Variants in ATP12A observed in about 807,000 individuals in gnomAD.
The protein encoded by ATP12A is potassium-transporting ATPase alpha chain 2.
Under a neutral mutation model 111.2 loss-of-function variants are expected in ATP12A, and 81 were observed. The ratio of observed to expected loss-of-function variants is 0.73; its 90% CI spans 0.61 to 0.88. The LOEUF is 0.88. Ranked by LOEUF, ATP12A falls within the 40% of genes least tolerant of loss-of-function variation. The probability of loss-of-function intolerance (pLI) is 0.00; values close to 1 mark genes in which losing one functional copy is unlikely to be tolerated. For missense variants in ATP12A, 1,196 were observed against 1,313.1 expected, an observed-to-expected ratio of 0.91 and a Z score of 1.38; for synonymous variants, 498 against 499.8, an observed-to-expected ratio of 1.00 and a Z score of 0.05.
chr13:24,703,205 C>T (rs533288872), intron 14 of ATP12A, among the ~76,000 whole-genome samples: 133 of 152,238 alleles, frequency 8.7e-4, no homozygotes, highest in Admixed American at 1.6e-3. Context: ...TCGGATTATA[C>T]TTTTTTTCAC....
rs1273415407 is a variant in ATP12A at position 24,685,432 on chromosome 13, CTG to C, written c.228+66_228+67del. 1 of 1,566,350 alleles carries C rather than the reference CTG, an allele frequency of 6.4e-7. No homozygotes were observed. The highest frequency in any genetic ancestry group is 1.4e-5 in the African/African-American group (1 of 73,834). On this transcript the variant is annotated intron_variant, in intron 3 of 22. Transcript: ENST00000381946. The surrounding 1 kb of genome is among the most constrained non-coding windows in gnomAD (Gnocchi z 5.5). Reference sequence around the variant, plus strand: ...GCCTCCCAACTCTACAGAGGGAAGGCTGTGTGTGGCGGGGGGCTGTGTGGAAG... The same window carrying C: ...GCCTCCCAACTCTACAGAGGGAAGGCTGTGTGGCGGGGGGCTGTGTGGAAG...
intron 10 of ATP12A, 111 bp downstream of exon 10, chr13:24,693,007 G>T: frequency 2.0e-6 from 2 of 979,214 alleles, no homozygotes; most frequent in Admixed American, 2.2e-5. Context: ...TTTGTTCAGT[G>T]CTTGCAAGAG....
rs2289909 is a variant in ATP12A, at chr13:24,709,458, C to T, written c.2588C>T (p.Pro863Leu). ...AATAAGGACAGGCTGGTGAACCAGCCGCTCGCTGTGTACTCATACCTGCAC... is the reference window on the plus strand; with the variant it reads ...AATAAGGACAGGCTGGTGAACCAGCTGCTCGCTGTGTACTCATACCTGCAC... The part of the protein sequence containing the change: ...HKNKDRLVNQ[P>L]LAVYSYLHIG... Residue 863 changes from proline (P) to leucine (L), a missense_variant, in exon 18 of 23, where the codon CCG (proline) becomes CTG (leucine). Around this residue, in one of 3 missense-constraint regions of ATP12A, gnomAD observed 1,126 missense variants for 1,228.5 expected, o/e 0.92. Coordinates refer to ENST00000381946, the MANE Select transcript of ATP12A (RefSeq NM_001676.7). The T allele has an allele frequency of 0.028, 44,491 of 1,614,042 alleles. 1,150 individuals carry two copies. The highest frequency in any genetic ancestry group is 0.12 in the South Asian group (10,608 of 91,062).
At position 24,698,659 on chromosome 13, in the gene ATP12A, T is replaced by A; in HGVS notation, c.1514T>A (p.Leu505His). The change falls in exon 12 of 23, where the codon CTC becomes CAC. Residue 505 changes from leucine to histidine, a missense_variant and splice_region_variant. Physicochemically the swap from Leu to His is moderately conservative, Grantham distance 99. Coordinates refer to ENST00000381946, the MANE Select transcript of ATP12A (RefSeq NM_001676.7). ...IPFNSTNKFQ[L>H]SIHEMDDPHG... ...CACGCTCAGTTCATTCCTTCCCAGC[T>A]CTCCATCCACGAGATGGATGACCCC... 6.2e-7 allele frequency: 1 copy of A among 1,613,008 alleles called. No homozygotes were observed. Among genetic ancestry groups the A allele is most frequent in the Non-Finnish European group, 8.5e-7 (1 of 1,179,904 alleles).
intron 14 of ATP12A, chr13:24,704,796 GT>G (rs1875551261): frequency 5.8e-6 from 1 of 173,462 alleles, no homozygotes; most frequent in African/African-American, 2.4e-5. Context: ...CTTCCTCTTG[GT>G]CACTGCCACT....
intron 11 of ATP12A, among the ~76,000 whole-genome samples, chr13:24,695,143 AG>A (rs1360668236): frequency 6.6e-6 from 1 of 152,230 alleles, no homozygotes; most frequent in Non-Finnish European, 1.5e-5. Context: ...AGTGTTCCCA[AG>A]CCTGACACCA....
rs1430789125 is a variant in ATP12A at position 24,697,713 on chromosome 13, A to G, written c.1513-945A>G. On this transcript the variant is annotated intron_variant, in intron 11 of 22. Transcript: ENST00000381946. Reference sequence around the variant, plus strand: ...AAAGGCCTATATTTTAGAAAGTGATAGAGCTGGGAGGTTTTCTGTTTGGTT... The same window carrying G: ...AAAGGCCTATATTTTAGAAAGTGATGGAGCTGGGAGGTTTTCTGTTTGGTT... Among the ~76,000 whole-genome samples the G allele has an allele frequency of 7.5e-5, 6 of 80,504 alleles. No individual in the cohort carries two copies. The South Asian group carries it at 3.6e-3, about 48-fold the overall frequency. The allele number at this position is 80,504 out of a possible 152,430, so 52.8% of individuals were successfully genotyped here.
At chr13:24,704,000 AT>A (rs199530251) in intron 14 of ATP12A, among the ~76,000 whole-genome samples, 66 of 113,452 alleles carry the variant, frequency 5.8e-4, no homozygotes, top group African/African-American at 1.3e-3. Flanking sequence ...ATTTTAGCAG[AT>A]TTTTTTTTTT....
rs996729045 is a variant in ATP12A at position 24,701,456 on chromosome 13, A to G, written c.1882-479A>G. Among the ~76,000 whole-genome samples the G allele has an allele frequency of 6.8e-5, 10 of 147,702 alleles. No homozygotes were observed. The Admixed American group carries it at 6.9e-4, about 10-fold the overall frequency. ...GCAGAGGTTGCAGTGAGCCGAGATC[A>G]CACCATTGCACTCCAGCTTGGGCAA... is the stretch of plus-strand genomic sequence containing the variant. On this transcript the variant is annotated intron_variant, in intron 13 of 22. Transcript: ENST00000381946.
intron 11 of ATP12A, among the ~76,000 whole-genome samples, chr13:24,695,990 T>A (rs909899681): frequency 7.2e-5 from 11 of 152,142 alleles, no homozygotes; most frequent in African/African-American, 2.2e-4. Context: ...AATAGACAAC[T>A]AACCAGAAAC....
At chr13:24,689,475 T>C in intron 5 of ATP12A, 100 bp downstream of exon 5, 2 of 984,816 alleles carry the variant, frequency 2.0e-6, no homozygotes, top group Admixed American at 2.2e-5. Flanking sequence ...GGTTTCCACT[T>C]CCTTCCCTGT....
chr13:24,706,646 C>T (rs995263565), intron 15 of ATP12A, among the ~76,000 whole-genome samples, 183 bp downstream of exon 15: 5 of 152,200 alleles, frequency 3.3e-5, no homozygotes, highest in African/African-American at 1.2e-4. Context: ...TCCTTTGAGA[C>T]CCCCACCACA....
chr13:24,708,388 G>T (rs180900750), intron 17 of ATP12A, among the ~76,000 whole-genome samples: 1 of 151,976 alleles, frequency 6.6e-6, no homozygotes, highest in Non-Finnish European at 1.5e-5. Context: ...CCTTCAAATT[G>T]CCCCCTTCCC....
chr13:24,691,288 G>A (rs370613311), intron 8 of ATP12A, 38 bp downstream of exon 8: 2 of 1,578,540 alleles, frequency 1.3e-6, no homozygotes, highest in African/African-American at 2.7e-5. Context: ...ACCTGGCCCT[G>A]TGGACACAGC....
At chr13:24,687,765 C>A (rs1874723287) in intron 3 of ATP12A, among the ~76,000 whole-genome samples, 2 of 152,244 alleles carry the variant, frequency 1.3e-5, no homozygotes, top group Admixed American at 1.3e-4. Context: ...CACATGCTCT[C>A]TGTGCAGGAT....
intron 14 of ATP12A, among the ~76,000 whole-genome samples, chr13:24,705,118 T>C (rs1217893677): frequency 1.3e-5 from 2 of 152,204 alleles, no homozygotes; most frequent in African/African-American, 4.8e-5. Context: ...AGCTCAAAAC[T>C]TGCAAATTGT....
In ATP12A at chr13:24,707,365, A is replaced by G. The variant is rs1875714686; in HGVS notation, c.2425A>G (p.Ile809Val). ...CGAGCTGTGCCCCTTTCTGATCTACATCATTGTCGGGCTCCCCCTGCCCAT... is the reference window on the plus strand; with the variant it reads ...CGAGCTGTGCCCCTTTCTGATCTACGTCATTGTCGGGCTCCCCCTGCCCAT... Reference protein sequence around the residue: ...IAELCPFLIYIIVGLPLPIGT... With the variant: ...IAELCPFLIYVIVGLPLPIGT... The change falls in exon 17 of 23, where the codon ATC (isoleucine) becomes GTC (valine). Residue 809 changes from isoleucine (I) to valine (V), a missense_variant. Around this residue, in one of 3 missense-constraint regions of ATP12A, gnomAD observed 1,126 missense variants for 1,228.5 expected, o/e 0.92. Transcript: ENST00000381946. 1 of 1,614,046 alleles carries G rather than the reference A, an allele frequency of 6.2e-7. No individual in the cohort carries two copies. Among genetic ancestry groups the G allele is most frequent in the South Asian group, 1.1e-5 (1 of 91,080 alleles).
intron 14 of ATP12A, among the ~76,000 whole-genome samples, chr13:24,703,161 G>T (rs1197944949): frequency 6.6e-6 from 1 of 152,130 alleles, no homozygotes; most frequent in Non-Finnish European, 1.5e-5. Flanking sequence ...AAACAACTTT[G>T]GGGCTTGTTT....
Position 24,691,043 on chromosome 13 carries a change from A to C in ATP12A, c.861A>C (p.Ser287=), listed in dbSNP as rs373727234. 1.6e-5 allele frequency: 26 copies of C among 1,614,198 alleles called. No homozygotes were observed. In the African/African-American group the frequency reaches 2.9e-4, roughly 18 times the overall value. ...GDRTIIGHIA[S]LASGVGNEKT... ...GCACCATCATTGGCCATATTGCCTCATTGGCCTCAGGAGTTGGAAATGAGA... is the reference window on the plus strand; with the variant it reads ...GCACCATCATTGGCCATATTGCCTCCTTGGCCTCAGGAGTTGGAAATGAGA... Residue 287 remains serine, a synonymous_variant, in exon 8 of 23, where the codon TCA becomes TCC. Transcript: ENST00000381946.
Sources: gnomAD v4.1 joint callset for allele counts (sites outside exome capture counted in the v4.1 genomes callset) on GRCh38, gnomAD v4.1.1 for gene constraint, gnomAD v4.1.1 regional missense constraint, Gnocchi (gnomAD v3.1) non-coding constraint, MANE v1.5 for transcripts, NCBI Gene and HGNC (gene_info 2026-07-23, HGNC 2026-07-21) for gene names.